The following PKNOX2 variants were observed in gnomAD, a reference collection of about 807,000 sequenced individuals.
The protein encoded by PKNOX2 is PBX/knotted 1 homeobox 2.
In PKNOX2, 14 loss-of-function variants were observed where a neutral mutation model predicts 53.1. The observed-to-expected ratio is 0.26, with a 90% CI of 0.17 to 0.41. The LOEUF is 0.41. PKNOX2 is among the 10% of genes least tolerant of loss of function. The pLI is 1.00. For synonymous variants in PKNOX2, 257 were observed against 242.8 expected, an observed-to-expected ratio of 1.06 and a Z score of -0.54; for missense variants, 496 against 602.8, an observed-to-expected ratio of 0.82 and a Z score of 1.85.
intron 10 of PKNOX2, among the ~76,000 whole-genome samples, chr11:125,423,758 C>G (rs1379880809): frequency 6.6e-6 from 1 of 152,110 alleles, no homozygotes; most frequent in Non-Finnish European, 1.5e-5. Context: ...GAAGGGGCAT[C>G]TGAGAGGGCT....
intron 2 of PKNOX2, among the ~76,000 whole-genome samples, chr11:125,243,294 G>A (rs1177774666): frequency 1.3e-5 from 2 of 152,200 alleles, no homozygotes; most frequent in Non-Finnish European, 2.9e-5. Context: ...TCAGGGCCTG[G>A]AGGCTCAGCC....
At chr11:125,270,566 A>G (rs1747801810) in intron 2 of PKNOX2, among the ~76,000 whole-genome samples, 1 of 152,214 alleles carries the variant, frequency 6.6e-6, no homozygotes, top group South Asian at 2.1e-4. Flanking sequence ...CTTGTGGCTC[A>G]GGCTCTCATT....
chr11:125,219,688 C>A (rs1182481764), intron 1 of PKNOX2, among the ~76,000 whole-genome samples: 1 of 152,100 alleles, frequency 6.6e-6, no homozygotes, highest in Admixed American at 6.5e-5. Context: ...AAGAGAAATG[C>A]AAATTAAAAC....
At chr11:125,365,670 C>T (rs1042401071) in intron 4 of PKNOX2, among the ~76,000 whole-genome samples, 1 of 152,230 alleles carries the variant, frequency 6.6e-6, no homozygotes, top group Non-Finnish European at 1.5e-5. Flanking sequence ...GCATGAGACA[C>T]TCTTTTGGAA....
chr11:125,316,116 C>T (rs1362426795), intron 2 of PKNOX2, among the ~76,000 whole-genome samples: 1 of 152,164 alleles, frequency 6.6e-6, no homozygotes, highest in Non-Finnish European at 1.5e-5. Context: ...ATGGAGCCCA[C>T]GATGGTGTGC....
intron 10 of PKNOX2, 134 bp downstream of exon 10, chr11:125,411,999 G>A (rs1286525280): frequency 6.1e-5 from 86 of 1,418,824 alleles, no homozygotes; most frequent in Admixed American, 9.7e-5. Flanking sequence ...TCTCTGATAG[G>A]AATGACATCT....
In PKNOX2 at chr11:125,328,389, GAGAA is replaced by G. The variant is rs1412497357; in HGVS notation, c.-129-3426_-129-3423del. ...AGAGAGAGAGAGAGAGTGAGTGAGAGAGAAAGAGAGACAGAGACAGAGACAGATA... is the reference window on the plus strand; with the variant it reads ...AGAGAGAGAGAGAGAGTGAGTGAGAGAGAGAGACAGAGACAGAGACAGATA... On this transcript the variant is annotated intron_variant, in intron 2 of 12. Transcript: ENST00000298282. Among the ~76,000 whole-genome samples the G allele has an allele frequency of 1.1e-3, 153 of 138,382 alleles. 1 individual carries two copies. The highest frequency in any genetic ancestry group is 4.1e-3 in the African/African-American group (143 of 35,234). 90.8% of individuals were successfully genotyped at this position (138,382 alleles called of 152,430 possible). A position where few individuals can be genotyped will look rare whatever the true frequency, so the allele number is the denominator to read the frequency against.
At chr11:125,216,099 G>A (rs1027162314) in intron 1 of PKNOX2, among the ~76,000 whole-genome samples, 14 of 152,162 alleles carry the variant, frequency 9.2e-5, no homozygotes, top group East Asian at 1.9e-4. Context: ...CCCCAGCTGC[G>A]GAGATGTTTT....
intron 2 of PKNOX2, among the ~76,000 whole-genome samples, chr11:125,265,004 TA>T (rs1945199882): frequency 6.6e-6 from 1 of 152,000 alleles, no homozygotes. Context: ...TTACAGGGCT[TA>T]TGGCCGGGCA....
chr11:125,178,609 G>GGAAAGAAAGAAAGAAAGAAA (rs369928323), intron 1 of PKNOX2, among the ~76,000 whole-genome samples: 14 of 46,256 alleles, frequency 3.0e-4, no homozygotes, highest in South Asian at 9.7e-4. Flanking sequence ...AAGGAAGGAA[G>GGAAAGAAAGAAAGAAAGAAA]GAAAGAAAGA....
At chr11:125,183,520 A>C (rs950339291) in intron 1 of PKNOX2, among the ~76,000 whole-genome samples, 4 of 152,060 alleles carry the variant, frequency 2.6e-5, no homozygotes, top group African/African-American at 9.7e-5. Context: ...TGCTTTGTGG[A>C]TCGTTGGTGA....
intron 2 of PKNOX2, among the ~76,000 whole-genome samples, chr11:125,315,303 G>GAAAAAAA (rs534448203): frequency 3.8e-5 from 3 of 79,426 alleles, no homozygotes; most frequent in Non-Finnish European, 8.2e-5. Context: ...TGTGAAGCAG[G>GAAAAAAA]AAAAAAAAAA....
chr11:125,228,681 G>T (rs964173862), intron 1 of PKNOX2, among the ~76,000 whole-genome samples: 2 of 152,198 alleles, frequency 1.3e-5, no homozygotes, highest in Non-Finnish European at 2.9e-5. Flanking sequence ...CATGGTGTAA[G>T]CAATCTGCAT....
intron 7 of PKNOX2, among the ~76,000 whole-genome samples, chr11:125,403,729 T>G (rs1377554198): frequency 1.3e-5 from 2 of 152,136 alleles, no homozygotes; most frequent in African/African-American, 4.8e-5. Context: ...TGGAGAGTGA[T>G]GACCCTACCT....
intron 3 of PKNOX2, among the ~76,000 whole-genome samples, chr11:125,335,052 T>C (rs2136126431): frequency 6.6e-6 from 1 of 152,312 alleles, no homozygotes. Flanking sequence ...AAATGCCAGT[T>C]CCTGTGCAAG....
intron 2 of PKNOX2, among the ~76,000 whole-genome samples, chr11:125,258,363 T>A (rs1298802481): frequency 6.6e-6 from 1 of 152,174 alleles, no homozygotes; most frequent in Non-Finnish European, 1.5e-5. Flanking sequence ...AACACGTCAT[T>A]AGTGAAGCTG....
chr11:125,362,423 G>A (rs1385385465), intron 4 of PKNOX2, among the ~76,000 whole-genome samples: 2 of 151,980 alleles, frequency 1.3e-5, no homozygotes, highest in Admixed American at 6.6e-5. Context: ...TCCCAGGCTG[G>A]AGCACAGTGG....
intron 2 of PKNOX2, among the ~76,000 whole-genome samples, chr11:125,256,081 C>T (rs1944386528): frequency 6.6e-6 from 1 of 152,034 alleles, no homozygotes. Context: ...ACTTAGCCTG[C>T]TGGGAAGACG....
intron 2 of PKNOX2, among the ~76,000 whole-genome samples, chr11:125,321,826 G>A (rs1261473196): frequency 6.6e-6 from 1 of 152,218 alleles, no homozygotes; most frequent in Non-Finnish European, 1.5e-5. Flanking sequence ...CACAGTTCTG[G>A]AGATTTGAAC....
Sources: gnomAD v4.1 joint callset for allele counts (sites outside exome capture counted in the v4.1 genomes callset) on GRCh38, gnomAD v4.1.1 for gene constraint, MANE v1.5 for transcripts, NCBI Gene and HGNC (gene_info 2026-07-23, HGNC 2026-07-21) for gene names.